ATP5MC2: variants seen among roughly 807,000 people sequenced by gnomAD.
ATP5MC2 encodes the protein ATP synthase membrane subunit c locus 2.
In ATP5MC2, 11 loss-of-function variants were observed where a neutral mutation model predicts 13.5. That is an observed-to-expected ratio of 0.81 (90% confidence interval 0.51 to 1.35). The LOEUF is 1.35. Ranked by LOEUF, ATP5MC2 falls within the 40% of genes most tolerant of loss-of-function variation. ATP5MC2 has a pLI of 0.00. For missense variants in ATP5MC2, 132 were observed against 175.0 expected (o/e 0.75, Z 1.39); for synonymous variants, 64 against 69.7 (o/e 0.92, Z 0.41).
intron 4 of ATP5MC2, among the ~76,000 whole-genome samples, chr12:53,668,406 C>A (rs575680621): frequency 6.6e-6 from 1 of 151,702 alleles, no homozygotes; most frequent in Non-Finnish European, 1.5e-5. Flanking sequence ...CGGGTTCAAG[C>A]GATTCTTCTG....
At chr12:53,675,637 G>A (rs1945240308) in intron 1 of ATP5MC2, among the ~76,000 whole-genome samples, 2 of 152,310 alleles carry the variant, frequency 1.3e-5, no homozygotes, top group African/African-American at 4.8e-5. Context: ...AGGTTCTGGG[G>A]CCTAAAGTCT....
At chr12:53,670,133 C>T (rs776157118) in intron 2 of ATP5MC2, 185 bp from the exon 3 acceptor site, 2 of 647,466 alleles carry the variant, frequency 3.1e-6, no homozygotes, top group Non-Finnish European at 5.7e-6. Flanking sequence ...AAGAACCACA[C>T]CATTTCTCTT....
intron 2 of ATP5MC2, among the ~76,000 whole-genome samples, chr12:53,671,096 G>A (rs1390997283): frequency 2.6e-5 from 4 of 152,182 alleles, no homozygotes; most frequent in African/African-American, 9.7e-5. Context: ...AAAGATTCAT[G>A]CTCAAAACTC....
chr12:53,676,371 C>T, upstream of ATP5MC2: 3 of 864,600 alleles, frequency 3.5e-6, no homozygotes, highest in East Asian at 8.2e-5. Context: ...GACTTGCGTC[C>T]CCTTTCCGAG....
chr12:53,669,066 T>C (rs1945015630), intron 4 of ATP5MC2, 82 bp downstream of exon 4: 27 of 1,502,810 alleles, frequency 1.8e-5, no homozygotes, highest in Non-Finnish European at 2.3e-5. Context: ...CAGTGTGGGA[T>C]AGTATAGTTC....
chr12:53,666,943 C>CAAAAAAAAAAAAA (rs58565014), intron 4 of ATP5MC2, among the ~76,000 whole-genome samples: 1 of 103,410 alleles, frequency 9.7e-6, no homozygotes, highest in African/African-American at 3.5e-5. Context: ...GACTCAGTCT[C>CAAAAAAAAAAAAA]AAAAAAAAAA....
chr12:53,670,381 C>T, intron 2 of ATP5MC2: 1 of 338,926 alleles, frequency 3.0e-6, no homozygotes, highest in South Asian at 2.3e-5. Flanking sequence ...ACCTACCAAA[C>T]ACCATAGTCT....
Position 53,667,950 on chromosome 12 carries a change from C to CATAT in ATP5MC2, c.311+1197_311+1198insATAT, listed in dbSNP as rs1281755104. On this transcript the variant is annotated intron_variant, in intron 4 of 4. Transcript: ENST00000394349. ...AAACATTCTAATACATACATACATA[C>CATAT]ACACACATATATATATATATATATA... Among the ~76,000 whole-genome samples, 222 of 37,178 alleles carry CATAT rather than the reference C, an allele frequency of 6.0e-3. 2 individuals carry two copies. Among genetic ancestry groups the CATAT allele is most frequent in the African/African-American group, 0.016 (198 of 12,120 alleles). 24.4% of individuals were successfully genotyped at this position (37,178 alleles called of 152,430 possible).
At chr12:53,666,744 A>G (rs1008235651) in intron 4 of ATP5MC2, among the ~76,000 whole-genome samples, 1 of 150,700 alleles carries the variant, frequency 6.6e-6, no homozygotes, top group Non-Finnish European at 1.5e-5. Context: ...TGGGTGACAG[A>G]GTCAGACTCT....
chr12:53,665,723 G>C (rs1449064926), intron 4 of ATP5MC2, among the ~76,000 whole-genome samples: 1 of 130,414 alleles, frequency 7.7e-6, no homozygotes, highest in South Asian at 2.5e-4. Context: ...TCTTGGCCCA[G>C]ACACTTAATA....
At chr12:53,678,054 C>A (rs1472195779), upstream of ATP5MC2, among the ~76,000 whole-genome samples, 1 of 152,192 alleles carries the variant, frequency 6.6e-6, no homozygotes, top group Admixed American at 6.5e-5. Context: ...TGGGAGGAAG[C>A]TAAAGCTGGC....
chr12:53,668,454 C>T (rs984854384), intron 4 of ATP5MC2, among the ~76,000 whole-genome samples: 1 of 151,410 alleles, frequency 6.6e-6, no homozygotes, highest in Non-Finnish European at 1.5e-5. Context: ...TAGGTGCACG[C>T]CCCCCTTACC....
chr12:53,676,044 A>C lies in ATP5MC2; in HGVS notation c.-32+9T>G. 2 of 1,613,162 alleles carry C rather than the reference A, an allele frequency of 1.2e-6. No homozygotes were observed. Among genetic ancestry groups the C allele is most frequent in the Non-Finnish European group, 1.7e-6 (2 of 1,179,728 alleles). ...AGCGCACAGAGGGCTCTAGGTCCCAAGGCCTTACCTGCTCCCACTGCAGAG... is the reference window on the plus strand; with the variant it reads ...AGCGCACAGAGGGCTCTAGGTCCCACGGCCTTACCTGCTCCCACTGCAGAG... On this transcript the variant is annotated intron_variant, in intron 1 of 4. Coordinates refer to ENST00000394349, the MANE Select transcript of ATP5MC2 (RefSeq NM_005176.7).
chr12:53,678,678 G>A (rs182428595), upstream of ATP5MC2, among the ~76,000 whole-genome samples: 14 of 152,296 alleles, frequency 9.2e-5, no homozygotes, highest in Middle Eastern at 3.4e-3. Flanking sequence ...AAGGGGAGGG[G>A]TGAATTTGAA....
intron 4 of ATP5MC2, among the ~76,000 whole-genome samples, chr12:53,667,989 AT>A (rs1565625353): frequency 5.1e-5 from 4 of 79,198 alleles, no homozygotes; most frequent in African/African-American, 2.5e-4. Context: ...ATATATATAT[AT>A]ATATAAATTT....
In ATP5MC2 at chr12:53,670,973, TA is replaced by T. The variant is rs879420372; in HGVS notation, c.40-1026del. Among the ~76,000 whole-genome samples the T allele has an allele frequency of 6.7e-3, 739 of 110,442 alleles. 6 individuals are homozygous for T. Among genetic ancestry groups the T allele is most frequent in the East Asian group, 0.055 (155 of 2,820 alleles). 72.5% of individuals were successfully genotyped at this position (110,442 alleles called of 152,430 possible). ...TATCATTTTTGCATCATCATAAAGT[TA>T]AAAAAAAAAAATCTTAATCTAAAGT... On this transcript the variant is annotated intron_variant, in intron 2 of 4. Coordinates refer to ENST00000394349, the MANE Select transcript of ATP5MC2 (RefSeq NM_005176.7).
chr12:53,680,470 T>C (rs952313531), upstream of ATP5MC2, among the ~76,000 whole-genome samples: 8 of 152,206 alleles, frequency 5.3e-5, no homozygotes, highest in Admixed American at 3.9e-4. Flanking sequence ...ATAGGAGTTG[T>C]GGAAGCAGTA....
At chr12:53,669,718 T>C (rs997047107) in intron 3 of ATP5MC2, among the ~76,000 whole-genome samples, 153 bp downstream of exon 3, 1 of 152,218 alleles carries the variant, frequency 6.6e-6, no homozygotes, top group Non-Finnish European at 1.5e-5. Context: ...GTGTATTAAG[T>C]GTCCTCCATC....
chr12:53,669,474 G>C, intron 3 of ATP5MC2, 133 bp from the exon 4 acceptor site: 1 of 1,430,240 alleles, frequency 7.0e-7, no homozygotes, highest in Non-Finnish European at 9.2e-7. Flanking sequence ...TAAAATGCTG[G>C]CAAGTAGAAC....
Sources: gnomAD v4.1 joint callset for allele counts (sites outside exome capture counted in the v4.1 genomes callset) on GRCh38, gnomAD v4.1.1 for gene constraint, MANE v1.5 for transcripts, NCBI Gene and HGNC (gene_info 2026-07-23, HGNC 2026-07-21) for gene names.